Variants in KCNIP4 observed in about 807,000 individuals in gnomAD.
The protein encoded by KCNIP4 is Kv channel-interacting protein 4.
In KCNIP4, 12 loss-of-function variants were observed where a neutral mutation model predicts 34.0. The ratio of observed to expected loss-of-function variants is 0.35; its 90% CI spans 0.23 to 0.57. The LOEUF is 0.57. Among genes scored for constraint, KCNIP4 ranks in the 20% least tolerant of loss-of-function variants. KCNIP4 has a pLI of 0.83. For synonymous variants in KCNIP4, 124 were observed against 102.2 expected (o/e 1.21, Z -1.29); for missense variants, 238 against 311.7 (o/e 0.76, Z 1.78).
At chr4:21,654,979 G>T (rs1167840473) in intron 1 of KCNIP4, among the ~76,000 whole-genome samples, 1 of 151,936 alleles carries the variant, frequency 6.6e-6, no homozygotes, top group Non-Finnish European at 1.5e-5. Context: ...AGGGTGGAAA[G>T]AAAAATTGCT....
intron 1 of KCNIP4, among the ~76,000 whole-genome samples, chr4:21,944,701 T>A (rs550157269): frequency 6.6e-6 from 1 of 152,164 alleles, no homozygotes; most frequent in South Asian, 2.1e-4. Context: ...ATACTGGGGA[T>A]AAAGTGGTGG....
At chr4:21,537,784 C>T (rs563368740) in intron 1 of KCNIP4, among the ~76,000 whole-genome samples, 7 of 151,820 alleles carry the variant, frequency 4.6e-5, no homozygotes, top group African/African-American at 1.5e-4. Context: ...GAGGCCAAGG[C>T]GGCCGGATCA....
intron 1 of KCNIP4, among the ~76,000 whole-genome samples, chr4:20,984,213 T>C (rs942714431): frequency 1.3e-5 from 2 of 152,212 alleles, no homozygotes; most frequent in Non-Finnish European, 2.9e-5. Context: ...GGCGAGTACT[T>C]CGACTTCAGA....
chr4:21,519,397 T>C (rs374616148), intron 1 of KCNIP4, among the ~76,000 whole-genome samples: 17 of 137,790 alleles, frequency 1.2e-4, no homozygotes, highest in Admixed American at 5.2e-4. Context: ...TATATATACA[T>C]ATGTGTGTAT....
At chr4:21,495,769 C>T (rs774150710) in intron 1 of KCNIP4, among the ~76,000 whole-genome samples, 1 of 152,074 alleles carries the variant, frequency 6.6e-6, no homozygotes, top group Non-Finnish European at 1.5e-5. Context: ...AAAATGTGAG[C>T]TACACAGAGT....
chr4:21,313,829 C>A lies in KCNIP4; in HGVS notation c.62-431120G>T, dbSNP rs1238748301. ...GCTGGTTTGATAACTCAGGATGGCA[C>A]CTCTCTGAACTACGGTATTGTTTCA... On this transcript the variant is annotated intron_variant, in intron 1 of 8. Coordinates refer to ENST00000382152, the MANE Select transcript of KCNIP4 (RefSeq NM_025221.6). Among the ~76,000 whole-genome samples, 15 of 152,274 alleles carry A rather than the reference C, an allele frequency of 9.9e-5. No homozygotes were observed. The East Asian group carries it at 2.7e-3, about 27-fold the overall frequency.
At chr4:20,894,665 C>T (rs1726305050) in intron 1 of KCNIP4, among the ~76,000 whole-genome samples, 1 of 152,144 alleles carries the variant, frequency 6.6e-6, no homozygotes, top group African/African-American at 2.4e-5. Flanking sequence ...ATGATATCAT[C>T]ATATAATGTT....
At chr4:21,471,822 G>A (rs1311460411) in intron 1 of KCNIP4, among the ~76,000 whole-genome samples, 3 of 152,106 alleles carry the variant, frequency 2.0e-5, no homozygotes, top group Admixed American at 1.3e-4. Context: ...AGGACCTATG[G>A]TATCCCTTTG....
intron 1 of KCNIP4, among the ~76,000 whole-genome samples, chr4:21,212,664 C>T (rs1394490975): frequency 6.6e-6 from 1 of 152,138 alleles, no homozygotes; most frequent in Non-Finnish European, 1.5e-5. Context: ...CCCATTTCCT[C>T]ACCAGACACC....
chr4:21,485,729 C>T (rs1433768198), intron 1 of KCNIP4, among the ~76,000 whole-genome samples: 1 of 152,208 alleles, frequency 6.6e-6, no homozygotes, highest in Non-Finnish European at 1.5e-5. Flanking sequence ...CTTGTATCCA[C>T]AGTGTTTAAC....
Position 21,561,270 on chromosome 4 carries a change from C to A in KCNIP4, c.61+387301G>T, listed in dbSNP as rs867994014. On this transcript the variant is annotated intron_variant, in intron 1 of 8. Coordinates refer to ENST00000382152, the MANE Select transcript of KCNIP4 (RefSeq NM_025221.6). ...GGGAATATAAAGAAGAATGAAGTAT[C>A]TTTTTGCCACGCATTTTCCAATGTG... is the stretch of plus-strand genomic sequence containing the variant. Among the ~76,000 whole-genome samples, 92 of 152,020 alleles carry A rather than the reference C, an allele frequency of 6.1e-4. 1 individual carries two copies. Among genetic ancestry groups the A allele is most frequent in the Non-Finnish European group, 2.7e-4 (18 of 67,894 alleles).
At chr4:21,068,588 TTCTC>T (rs1224399037) in intron 1 of KCNIP4, among the ~76,000 whole-genome samples, 1 of 152,100 alleles carries the variant, frequency 6.6e-6, no homozygotes, top group African/African-American at 2.4e-5. Context: ...GTGGAATACT[TTCTC>T]TCTCTCTGCA....
At chr4:20,783,463 G>A (rs575691693) in intron 3 of KCNIP4, among the ~76,000 whole-genome samples, 5 of 152,306 alleles carry the variant, frequency 3.3e-5, no homozygotes, top group African/African-American at 1.2e-4. Context: ...GGAGGTGAAA[G>A]TCACTTCTTA....
Position 21,082,003 on chromosome 4 carries a change from T to C in KCNIP4, c.62-199294A>G, listed in dbSNP as rs573956673. Among the ~76,000 whole-genome samples, 3 of 151,974 alleles carry C rather than the reference T, an allele frequency of 2.0e-5. No individual in the cohort carries two copies. In the East Asian group the frequency reaches 5.8e-4, roughly 29 times the overall value. ...TACTAATCCAACACTGAAAAATTAA[T>C]TCTCCTTTGAAAAGGCTAATTGCTG... On this transcript the variant is annotated intron_variant, in intron 1 of 8. Transcript: ENST00000382152.
chr4:21,811,775 C>T (rs549041222), intron 1 of KCNIP4, among the ~76,000 whole-genome samples: 2 of 152,250 alleles, frequency 1.3e-5, no homozygotes, highest in African/African-American at 4.8e-5. Context: ...GGATAGCTAG[C>T]ATGATGCTTG....
At chr4:20,959,840 C>A (rs1247228095) in intron 1 of KCNIP4, among the ~76,000 whole-genome samples, 1 of 152,160 alleles carries the variant, frequency 6.6e-6, no homozygotes, top group Non-Finnish European at 1.5e-5. Flanking sequence ...ACCTTGGGTG[C>A]AATCCTTAAC....
intron 1 of KCNIP4, among the ~76,000 whole-genome samples, chr4:21,752,825 C>G (rs529396379): frequency 1.5e-4 from 23 of 152,214 alleles, no homozygotes; most frequent in African/African-American, 5.3e-4. Context: ...ACCAAATATG[C>G]CAGGCTGGAG....
intron 1 of KCNIP4, among the ~76,000 whole-genome samples, chr4:21,793,296 C>T (rs1166670899): frequency 6.6e-6 from 1 of 152,150 alleles, no homozygotes; most frequent in East Asian, 1.9e-4. Flanking sequence ...GTCACCCAGG[C>T]TGAAATGCAA....
intron 1 of KCNIP4, among the ~76,000 whole-genome samples, chr4:21,883,410 A>C (rs1325592494): frequency 6.6e-6 from 1 of 152,076 alleles, no homozygotes; most frequent in Admixed American, 6.6e-5. Flanking sequence ...TGGCCTCCCA[A>C]AGTGTTGTGA....
Sources: gnomAD v4.1 joint callset for allele counts (sites outside exome capture counted in the v4.1 genomes callset) on GRCh38, gnomAD v4.1.1 for gene constraint, MANE v1.5 for transcripts, NCBI Gene and HGNC (gene_info 2026-07-23, HGNC 2026-07-21) for gene names.